The following CCDC171 variants were observed in gnomAD, a reference collection of about 807,000 sequenced individuals.
CCDC171 encodes the protein coiled-coil domain-containing protein 171.
In CCDC171, 177 loss-of-function variants were observed where a neutral mutation model predicts 168.2. That is an observed-to-expected ratio of 1.05 (90% CI 0.93 to 1.19). CCDC171 has a LOEUF of 1.19. Among genes scored for constraint, CCDC171 ranks in the 50% most tolerant of loss-of-function variants. The pLI, the probability that CCDC171 is intolerant of heterozygous loss-of-function variation, is 0.00. For missense variants in CCDC171, 1,991 were observed against 1,539.0 expected (o/e 1.29, Z -4.91); for synonymous variants, 687 against 540.8 (o/e 1.27, Z -3.75).
At chr9:15,797,137 A>T (rs2058595939) in intron 21 of CCDC171, among the ~76,000 whole-genome samples, 2 of 152,176 alleles carry the variant, frequency 1.3e-5, no homozygotes, top group Admixed American at 6.5e-5. Context: ...ATGATTAATT[A>T]TGTTAATCAT....
chr9:15,972,060 T>C lies in CCDC171; in HGVS notation c.*224T>C. 2.0e-6 allele frequency: 1 copy of C among 505,396 alleles called. No individual in the cohort carries two copies. The highest frequency in any genetic ancestry group is 3.2e-5 in the South Asian group (1 of 31,588). 31.3% of individuals were successfully genotyped at this position (505,396 alleles called of 1,614,324 possible). A position where few individuals can be genotyped will look rare whatever the true frequency, so the allele number is the denominator to read the frequency against. On this transcript the variant is annotated 3_prime_UTR_variant, in exon 26 of 26. Transcript: ENST00000380701. ...TTGTTATCACAGTTGCTCATTTTTA[T>C]GTAACATATTTTTAAATGTTAAGGA...
intron 7 of CCDC171, among the ~76,000 whole-genome samples, chr9:15,624,824 G>A (rs144019206): frequency 0.028 from 4,324 of 152,158 alleles, 200 homozygotes; most frequent in African/African-American, 0.099. Context: ...TTGGGTATAT[G>A]CCCAGTAATG....
chr9:15,927,420 C>T (rs1381696416), intron 25 of CCDC171, among the ~76,000 whole-genome samples: 8 of 151,636 alleles, frequency 5.3e-5, no homozygotes, highest in Non-Finnish European at 1.2e-4. Flanking sequence ...TATGGAGAAA[C>T]ATGATACTTC....
the CCDC171 span, among the ~76,000 whole-genome samples, chr9:16,103,597 G>A: frequency 6.6e-6 from 1 of 152,362 alleles, no homozygotes; most frequent in South Asian, 2.1e-4. Context: ...CCGAGGCCAG[G>A]CAGAGGACGT....
At chr9:15,710,652 G>A (rs1033015373) in intron 11 of CCDC171, among the ~76,000 whole-genome samples, 4 of 151,118 alleles carry the variant, frequency 2.6e-5, no homozygotes, top group African/African-American at 9.7e-5. Flanking sequence ...CTGGAGTACG[G>A]TGGCACAATC....
At chr9:15,634,450 C>G (rs565721693) in intron 7 of CCDC171, among the ~76,000 whole-genome samples, 2 of 152,092 alleles carry the variant, frequency 1.3e-5, no homozygotes, top group African/African-American at 2.4e-5. Flanking sequence ...AGACATCCCC[C>G]TGATTTTGGT....
chr9:15,806,537 TC>T (rs1300832748), intron 21 of CCDC171, among the ~76,000 whole-genome samples: 2 of 152,218 alleles, frequency 1.3e-5, no homozygotes, highest in African/African-American at 4.8e-5. Context: ...AAGATGTTTT[TC>T]TTTAAGAATG....
chr9:15,655,872 C>T (rs933957160), intron 7 of CCDC171, among the ~76,000 whole-genome samples: 1 of 152,152 alleles, frequency 6.6e-6, no homozygotes, highest in Non-Finnish European at 1.5e-5. Context: ...CCACTACATG[C>T]CTATTTGATT....
chr9:15,658,123 T>A lies in CCDC171; in HGVS notation c.915+904T>A, dbSNP rs540878909. On this transcript the variant is annotated intron_variant, in intron 8 of 25. Transcript: ENST00000380701. ...TGAACAACTGCTTGGATAAAGCCAC[T>A]AAATAAAATGTACTTGTTTATTTTT... 5.9e-5 allele frequency among the ~76,000 whole-genome samples: 9 copies of A among 152,342 alleles called. No homozygotes were observed. The East Asian group carries it at 1.7e-3, about 29-fold the overall frequency.
At chr9:16,072,057 T>C in the CCDC171 span, among the ~76,000 whole-genome samples, 1 of 152,226 alleles carries the variant, frequency 6.6e-6, no homozygotes, top group African/African-American at 2.4e-5. Context: ...TCTTGGAGTG[T>C]GGGAAGTGTT....
chr9:15,721,217 G>A (rs970303334), intron 11 of CCDC171, among the ~76,000 whole-genome samples: 1 of 152,032 alleles, frequency 6.6e-6, no homozygotes, highest in Non-Finnish European at 1.5e-5. Context: ...TGTAACTTGA[G>A]AATTTTAAGG....
rs183332223 is a variant in CCDC171 at position 15,810,594 on chromosome 9, C to T, written c.3267+25900C>T. On this transcript the variant is annotated intron_variant, in intron 21 of 25. Coordinates refer to ENST00000380701, the MANE Select transcript of CCDC171 (RefSeq NM_173550.4). ...GGCGACAATTTGAGCACGGTGCGGGCGGGCCGGCAGTGCTGGGGAATCTGG... is the reference window on the plus strand; with the variant it reads ...GGCGACAATTTGAGCACGGTGCGGGTGGGCCGGCAGTGCTGGGGAATCTGG... Among the ~76,000 whole-genome samples the T allele has an allele frequency of 8.5e-5, 13 of 152,256 alleles. No individual in the cohort carries two copies. In the East Asian group the frequency reaches 9.7e-4, roughly 11 times the overall value.
chr9:15,717,233 T>A (rs536428833), intron 11 of CCDC171, among the ~76,000 whole-genome samples: 13 of 152,266 alleles, frequency 8.5e-5, no homozygotes, highest in Admixed American at 5.2e-4. Flanking sequence ...TGATGCCCTG[T>A]CACAGTGGAA....
intron 3 of CCDC171, among the ~76,000 whole-genome samples, chr9:16,006,475 C>CAACGTGCACAACAA (rs1393367876): frequency 6.6e-6 from 1 of 152,120 alleles, no homozygotes; most frequent in Non-Finnish European, 1.5e-5. Context: ...TACATGTGCA[C>CAACGTGCACAACAA]AACGTGCAGG....
intron 3 of CCDC171, among the ~76,000 whole-genome samples, chr9:15,984,556 C>A (rs905466290): frequency 2.0e-5 from 3 of 151,942 alleles, no homozygotes. Flanking sequence ...AGCTAGAGAG[C>A]TAGAGTAAGA....
At chr9:16,036,422 A>T (rs1337855060) in intron 8 of CCDC171, among the ~76,000 whole-genome samples, 1 of 152,198 alleles carries the variant, frequency 6.6e-6, no homozygotes, top group Non-Finnish European at 1.5e-5. Context: ...AGGCAGGCGG[A>T]TCTCGAGGTC....
chr9:15,847,140 G>A (rs2060932574), intron 22 of CCDC171, among the ~76,000 whole-genome samples: 4 of 151,978 alleles, frequency 2.6e-5, no homozygotes, highest in Admixed American at 2.6e-4. Context: ...AATGTGAAAT[G>A]TAAGACTCTA....
intron 8 of CCDC171, among the ~76,000 whole-genome samples, chr9:15,661,236 C>A (rs534773973): frequency 2.7e-5 from 4 of 148,314 alleles, no homozygotes; most frequent in Non-Finnish European, 5.9e-5. Context: ...GCAGAGATTG[C>A]ACCACTGAAA....
chr9:15,921,933 A>G (rs989214106), intron 25 of CCDC171, among the ~76,000 whole-genome samples: 1 of 151,594 alleles, frequency 6.6e-6, no homozygotes, highest in Admixed American at 6.6e-5. Flanking sequence ...TATGAAAACA[A>G]TTACTTGTAT....
Sources: gnomAD v4.1 joint callset for allele counts (sites outside exome capture counted in the v4.1 genomes callset) on GRCh38, gnomAD v4.1.1 for gene constraint, MANE v1.5 for transcripts, NCBI Gene and HGNC (gene_info 2026-07-23, HGNC 2026-07-21) for gene names.